The following ASIC2 variants were observed in gnomAD, a reference collection of about 807,000 sequenced individuals.
The protein encoded by ASIC2 is acid-sensing ion channel 2.
In ASIC2, 25 loss-of-function variants were observed where a neutral mutation model predicts 57.3. The ratio of observed to expected loss-of-function variants is 0.44; its 90% confidence interval spans 0.32 to 0.61. The LOEUF (loss-of-function observed/expected upper bound fraction) is 0.61. Among genes scored for constraint, ASIC2 ranks in the 20% least tolerant of loss-of-function variants. The pLI, the probability that ASIC2 is intolerant of heterozygous loss-of-function variation, is 0.06. For missense variants in ASIC2, 641 were observed against 738.1 expected (o/e 0.87, Z 1.52); for synonymous variants, 319 against 307.5 (o/e 1.04, Z -0.39).
intron 1 of ASIC2, among the ~76,000 whole-genome samples, chr17:33,119,918 G>A (rs2092294831): frequency 6.6e-6 from 1 of 152,152 alleles, no homozygotes; most frequent in Non-Finnish European, 1.5e-5. Flanking sequence ...GGGGAGAAAG[G>A]GAAGGATAAG....
At chr17:34,066,760 G>A (rs905775883) in intron 1 of ASIC2, among the ~76,000 whole-genome samples, 1 of 152,144 alleles carries the variant, frequency 6.6e-6, no homozygotes, top group African/African-American at 2.4e-5. Context: ...CTTACAGAAG[G>A]GCCAAAGTGG....
At chr17:33,122,324 C>A (rs1051237153) in intron 1 of ASIC2, among the ~76,000 whole-genome samples, 1 of 152,254 alleles carries the variant, frequency 6.6e-6, no homozygotes, top group African/African-American at 2.4e-5. Context: ...TTCGGTGGAG[C>A]ACATCTTAGT....
chr17:33,387,778 A>T (rs927911760), intron 1 of ASIC2, among the ~76,000 whole-genome samples: 1 of 152,246 alleles, frequency 6.6e-6, no homozygotes, highest in Non-Finnish European at 1.5e-5. Flanking sequence ...GTATACTTGA[A>T]ATTTGCTAAG....
At chr17:33,918,648 C>A (rs1343039970) in intron 1 of ASIC2, among the ~76,000 whole-genome samples, 1 of 152,196 alleles carries the variant, frequency 6.6e-6, no homozygotes, top group African/African-American at 2.4e-5. Flanking sequence ...TTATAAGAAA[C>A]TACTGCCCAT....
chr17:33,123,698 G>A (rs905840857), intron 1 of ASIC2, among the ~76,000 whole-genome samples: 9 of 152,134 alleles, frequency 5.9e-5, no homozygotes, highest in African/African-American at 2.2e-4. Flanking sequence ...CGCTTTCCCC[G>A]CGCCTTCCCA....
At chr17:33,532,821 T>C (rs1915094582) in intron 1 of ASIC2, among the ~76,000 whole-genome samples, 1 of 152,232 alleles carries the variant, frequency 6.6e-6, no homozygotes. Flanking sequence ...CTCCTCTTTC[T>C]GCCTAGAGCA....
chr17:33,344,110 C>T (rs556997904), intron 1 of ASIC2, among the ~76,000 whole-genome samples: 9 of 152,300 alleles, frequency 5.9e-5, no homozygotes, highest in African/African-American at 2.2e-4. Flanking sequence ...GTCCAACTTC[C>T]CCAGCAGATA....
chr17:33,202,782 T>C (rs1395491955), intron 1 of ASIC2, among the ~76,000 whole-genome samples: 1 of 152,194 alleles, frequency 6.6e-6, no homozygotes, highest in East Asian at 1.9e-4. Flanking sequence ...GCTTCATCTT[T>C]CCAGCTGGAG....
At chr17:33,901,844 A>G (rs898026806) in intron 1 of ASIC2, among the ~76,000 whole-genome samples, 8 of 152,200 alleles carry the variant, frequency 5.3e-5, no homozygotes, top group Non-Finnish European at 8.8e-5. Context: ...AATCAGTAGT[A>G]TAATGTTTGC....
intron 1 of ASIC2, among the ~76,000 whole-genome samples, chr17:33,466,495 C>T (rs557359625): frequency 2.0e-5 from 3 of 152,252 alleles, no homozygotes; most frequent in Admixed American, 2.0e-4. Flanking sequence ...AAAAAACCTA[C>T]TTTCAAGTTC....
At chr17:33,821,393 T>C (rs1328744524) in intron 1 of ASIC2, among the ~76,000 whole-genome samples, 1 of 152,180 alleles carries the variant, frequency 6.6e-6, no homozygotes, top group Non-Finnish European at 1.5e-5. Flanking sequence ...AGCTAATCTT[T>C]GTTGAGTCTA....
chr17:33,528,408 A>G (rs947209767), intron 1 of ASIC2, among the ~76,000 whole-genome samples: 7 of 152,134 alleles, frequency 4.6e-5, no homozygotes, highest in Non-Finnish European at 1.0e-4. Flanking sequence ...CCCCACCACA[A>G]ACCTTTAAGC....
At chr17:33,049,988 T>C (rs7220849) in intron 3 of ASIC2, among the ~76,000 whole-genome samples, 140,016 of 152,094 alleles carry the variant, frequency 0.92, 64,560 homozygotes, top group African/African-American at 0.98. Flanking sequence ...CACTGTTGCC[T>C]CCTAGTGGTC....
chr17:33,226,823 G>A (rs909906146), intron 1 of ASIC2, among the ~76,000 whole-genome samples: 1 of 152,228 alleles, frequency 6.6e-6, no homozygotes, highest in East Asian at 1.9e-4. Context: ...AATATAAAAA[G>A]AGTCTCATGT....
intron 1 of ASIC2, among the ~76,000 whole-genome samples, chr17:33,637,661 AGAAAG>A (rs1371409287): frequency 6.6e-6 from 1 of 152,236 alleles, no homozygotes; most frequent in African/African-American, 2.4e-5. Flanking sequence ...TCAATTTAAA[AGAAAG>A]AAAGCAAATA....
At chr17:33,046,134 C>T (rs1169987928) in intron 3 of ASIC2, among the ~76,000 whole-genome samples, 1 of 152,222 alleles carries the variant, frequency 6.6e-6, no homozygotes, top group Non-Finnish European at 1.5e-5. Flanking sequence ...TCATTCTACT[C>T]TTCCCCTTAA....
intron 1 of ASIC2, among the ~76,000 whole-genome samples, chr17:33,889,976 T>C (rs1914924047): frequency 1.3e-5 from 2 of 152,230 alleles, no homozygotes; most frequent in South Asian, 4.1e-4. Flanking sequence ...TGTATAGATC[T>C]AGGCTTAGTC....
chr17:34,148,186 C>T (rs1567616304), intron 1 of ASIC2, among the ~76,000 whole-genome samples: 1 of 152,208 alleles, frequency 6.6e-6, no homozygotes, highest in Non-Finnish European at 1.5e-5. Flanking sequence ...CAGACATGCA[C>T]ATTCACCCAA....
chr17:33,416,406 C>T (rs8066359), intron 1 of ASIC2, among the ~76,000 whole-genome samples: 1 of 152,206 alleles, frequency 6.6e-6, no homozygotes, highest in African/African-American at 2.4e-5. Flanking sequence ...ATAACTAGCT[C>T]GTGGCATCAC....
Sources: gnomAD v4.1 joint callset for allele counts (sites outside exome capture counted in the v4.1 genomes callset) on GRCh38, gnomAD v4.1.1 for gene constraint, MANE v1.5 for transcripts, NCBI Gene and HGNC (gene_info 2026-07-23, HGNC 2026-07-21) for gene names.